NAV1: variants seen among roughly 807,000 people sequenced by gnomAD.
The protein encoded by NAV1 is neuron navigator 1.
In NAV1, 18 loss-of-function variants were observed where a neutral mutation model predicts 175.2. That is an observed-to-expected ratio of 0.10 (90% confidence interval 0.07 to 0.15). The LOEUF is 0.15. Among genes scored for constraint, NAV1 ranks in the 10% least tolerant of loss-of-function variants. The pLI, the probability that NAV1 is intolerant of heterozygous loss-of-function variation, is 1.00. For synonymous variants in NAV1, 897 were observed against 978.7 expected, an observed-to-expected ratio of 0.92 and a Z score of 1.56; for missense variants, 1,731 against 2,436.6, an observed-to-expected ratio of 0.71 and a Z score of 6.10.
At chr1:201,578,966 C>G (rs959813935) in intron 1 of NAV1, among the ~76,000 whole-genome samples, 1 of 151,958 alleles carries the variant, frequency 6.6e-6, no homozygotes, top group Non-Finnish European at 1.5e-5. Context: ...AACCCCATCT[C>G]TACTAATAAT....
chr1:201,604,874 T>C (rs2102240090), intron 2 of NAV1, among the ~76,000 whole-genome samples: 1 of 152,184 alleles, frequency 6.6e-6, no homozygotes, highest in African/African-American at 2.4e-5. Flanking sequence ...GGAGTGAAGG[T>C]TCAAACCCAA....
chr1:201,643,155 TCTTTCTTCC>T (rs748077896), intron 2 of NAV1, among the ~76,000 whole-genome samples: 85 of 149,032 alleles, frequency 5.7e-4, no homozygotes, highest in African/African-American at 1.2e-3. Flanking sequence ...TTCCTCTCTC[TCTTTCTTCC>T]CTTTCTTCCC....
At chr1:201,593,044 A>C (rs1213476144) in intron 2 of NAV1, among the ~76,000 whole-genome samples, 3 of 152,166 alleles carry the variant, frequency 2.0e-5, no homozygotes, top group Admixed American at 6.5e-5. Flanking sequence ...GATGTTGCCA[A>C]GCCCTGCCTT....
At chr1:201,651,582 G>A (rs1353482264) in intron 1 of NAV1, among the ~76,000 whole-genome samples, 1 of 152,208 alleles carries the variant, frequency 6.6e-6, no homozygotes, top group East Asian at 1.9e-4. Flanking sequence ...AGAGTCAAAA[G>A]CATTGAGGGC....
At chr1:201,786,314 A>G in intron 8 of NAV1, 115 bp from the exon 13 acceptor site, 1 of 1,109,834 alleles carries the variant, frequency 9.0e-7, no homozygotes, top group Admixed American at 2.2e-5. Context: ...CCTCTTTTCC[A>G]TGTCCTGCTT....
At chr1:201,549,631 A>C (rs568112728) in intron 1 of NAV1, among the ~76,000 whole-genome samples, 3 of 152,092 alleles carry the variant, frequency 2.0e-5, no homozygotes, top group Non-Finnish European at 1.5e-5. Context: ...ATTTACTGAT[A>C]ATCTTTAAGC....
intron 2 of NAV1, among the ~76,000 whole-genome samples, chr1:201,603,664 C>G (rs1274996362): frequency 1.3e-5 from 2 of 152,132 alleles, no homozygotes; most frequent in African/African-American, 4.8e-5. Context: ...CCACTCCAGA[C>G]AGTAGGCCAG....
intron 2 of NAV1, among the ~76,000 whole-genome samples, chr1:201,589,472 T>G (rs1254681015): frequency 6.6e-6 from 1 of 152,198 alleles, no homozygotes; most frequent in Non-Finnish European, 1.5e-5. Flanking sequence ...CAGTAAATGT[T>G]GAATAAAGTG....
At chr1:201,703,396 TATCTGATCCTATAACCTATCA>T (rs1671528161) in intron 1 of NAV1, among the ~76,000 whole-genome samples, 1 of 152,244 alleles carries the variant, frequency 6.6e-6, no homozygotes, top group African/African-American at 2.4e-5. Flanking sequence ...GAGAGTCTGC[TATCTGATCCTATAACCTATCA>T]TTCTGATCCT....
At chr1:201,578,489 T>A (rs1666756023) in intron 1 of NAV1, among the ~76,000 whole-genome samples, 3 of 152,178 alleles carry the variant, frequency 2.0e-5, no homozygotes, top group African/African-American at 7.2e-5. Flanking sequence ...CCTCCTCTTA[T>A]ACCACACTGT....
intron 1 of NAV1, among the ~76,000 whole-genome samples, chr1:201,682,417 T>C (rs957536203): frequency 1.3e-5 from 2 of 152,222 alleles, no homozygotes; most frequent in African/African-American, 4.8e-5. Context: ...GAAACTATTT[T>C]AGCTTTTTTC....
chr1:201,674,775 A>G (rs1433708334), intron 1 of NAV1, among the ~76,000 whole-genome samples: 2 of 152,208 alleles, frequency 1.3e-5, no homozygotes, highest in Admixed American at 1.3e-4. Flanking sequence ...GGTGGCTCAC[A>G]CCTGTAATCT....
chr1:201,565,392 C>T (rs760924213), intron 1 of NAV1, among the ~76,000 whole-genome samples: 5 of 152,352 alleles, frequency 3.3e-5, no homozygotes, highest in South Asian at 4.1e-4. Flanking sequence ...CGGTTTCCTC[C>T]GCCATCAGAA....
At chr1:201,667,898 G>C (rs896586181) in intron 1 of NAV1, among the ~76,000 whole-genome samples, 5 of 152,200 alleles carry the variant, frequency 3.3e-5, no homozygotes, top group African/African-American at 1.2e-4. Context: ...GTAGGGACAT[G>C]CCCAGACCTT....
chr1:201,629,682 A>G (rs1416127100), intron 2 of NAV1, 175 bp downstream of exon 4: 2 of 365,334 alleles, frequency 5.5e-6, no homozygotes, highest in Admixed American at 4.4e-5. Context: ...GGGTTGGTCC[A>G]TCAAACCCAG....
chr1:201,607,413 C>T (rs572611688), intron 2 of NAV1, among the ~76,000 whole-genome samples: 2 of 151,592 alleles, frequency 1.3e-5, no homozygotes, highest in South Asian at 4.2e-4. Context: ...CCATGCCAGG[C>T]CAAATAATTT....
chr1:201,801,707 C>A (rs1032713033), intron 15 of NAV1, among the ~76,000 whole-genome samples: 1 of 152,136 alleles, frequency 6.6e-6, no homozygotes, highest in African/African-American at 2.4e-5. Context: ...CCTCCCTGTG[C>A]ATTTCTTTGC....
At chr1:201,636,491 CG>C (rs1311670226) in intron 2 of NAV1, among the ~76,000 whole-genome samples, 1 of 152,152 alleles carries the variant, frequency 6.6e-6, no homozygotes, top group Non-Finnish European at 1.5e-5. Context: ...TTTAAAAGGG[CG>C]GAAGGAATAA....
intron 3 of NAV1, among the ~76,000 whole-genome samples, chr1:201,772,860 C>T (rs1272125350): frequency 6.6e-6 from 1 of 151,916 alleles, no homozygotes; most frequent in East Asian, 1.9e-4. Context: ...GGTGAAACCC[C>T]GTCTCTACTA....
Sources: gnomAD v4.1 joint callset for allele counts (sites outside exome capture counted in the v4.1 genomes callset) on GRCh38, gnomAD v4.1.1 for gene constraint, MANE v1.5 for transcripts, NCBI Gene and HGNC (gene_info 2026-07-23, HGNC 2026-07-21) for gene names.